RFFL: variants seen among roughly 807,000 people sequenced by gnomAD.
The protein encoded by RFFL is ring finger and FYVE like domain containing E3 ubiquitin protein ligase, also known as E3 ubiquitin-protein ligase rififylin.
Under a neutral mutation model 40.4 loss-of-function variants are expected in RFFL, and 16 were observed. The observed-to-expected ratio is 0.40, with a 90% confidence interval of 0.27 to 0.60. RFFL has a LOEUF of 0.60. Among genes scored for constraint, RFFL ranks in the 20% least tolerant of loss-of-function variants. The pLI is 0.47. For synonymous variants in RFFL, 154 were observed against 167.9 expected (o/e 0.92, Z 0.64); for missense variants, 367 against 451.7 (o/e 0.81, Z 1.70).
intron 1 of RFFL, among the ~76,000 whole-genome samples, chr17:35,034,494 A>G (rs2091106882): frequency 6.6e-6 from 1 of 151,738 alleles, no homozygotes; most frequent in Non-Finnish European, 1.5e-5. Flanking sequence ...AGTAGGAAAA[A>G]CTGGAAAGTT....
chr17:35,084,660 C>T lies in RFFL; in HGVS notation c.-9+4445G>A, dbSNP rs139394878. Among the ~76,000 whole-genome samples the T allele has an allele frequency of 7.8e-3, 1,180 of 151,532 alleles. 23 individuals are homozygous for T. The highest frequency in any genetic ancestry group is 0.026 in the African/African-American group (1,080 of 41,200). On this transcript the variant is annotated intron_variant, in intron 1 of 6. Coordinates refer to the RFFL transcript ENST00000315249. The stretch of plus-strand genomic sequence containing the variant: ...ATCCCAGCACTTTGGGAGGCTGAGG[C>T]GGGCAGATCACATGAGGTCAGGAGT...
intron 1 of RFFL, among the ~76,000 whole-genome samples, chr17:35,057,805 A>C (rs982613905): frequency 1.3e-5 from 2 of 151,778 alleles, no homozygotes; most frequent in Non-Finnish European, 2.9e-5. Context: ...CCAAAATTCC[A>C]ATCACCTTTA....
intron 1 of RFFL, among the ~76,000 whole-genome samples, chr17:35,039,062 C>G (rs1189668697): frequency 6.6e-6 from 1 of 151,694 alleles, no homozygotes; most frequent in Non-Finnish European, 1.5e-5. Context: ...GCGCGCACCA[C>G]CACACCTAAT....
In RFFL at chr17:35,088,314, C is replaced by T. The variant is rs2091441063; in HGVS notation, c.-9+791G>A. Among the ~76,000 whole-genome samples, 4 of 152,280 alleles carry T rather than the reference C, an allele frequency of 2.6e-5. No homozygotes were observed. The South Asian group carries it at 8.3e-4, about 32-fold the overall frequency. On this transcript the variant is annotated intron_variant, in intron 1 of 6. Coordinates refer to the RFFL transcript ENST00000315249. ...GGGGTGCACGGTACACTCTTGATTA[C>T]ACAAGCAGTCTTCTTCCCCCCTAGA... is the stretch of plus-strand genomic sequence containing the variant.
chr17:35,072,577 ACACACACATG>A (rs1487875316), intron 1 of RFFL, among the ~76,000 whole-genome samples: 1 of 147,960 alleles, frequency 6.8e-6, no homozygotes, highest in African/African-American at 2.7e-5. Context: ...ACACACACAC[ACACACACATG>A]CACACACACA....
chr17:35,054,682 T>C (rs986111957), intron 1 of RFFL, among the ~76,000 whole-genome samples: 3 of 152,100 alleles, frequency 2.0e-5, no homozygotes, highest in African/African-American at 7.2e-5. Context: ...CCTCTCTAGC[T>C]GATGTCCTGA....
chr17:35,070,274 A>T (rs149261404), intron 1 of RFFL, among the ~76,000 whole-genome samples: 103 of 152,206 alleles, frequency 6.8e-4, no homozygotes, highest in African/African-American at 2.3e-3. Context: ...TGGCTCAAGC[A>T]ATCTCCCACC....
intron 1 of RFFL, chr17:35,076,823 G>A (rs1482826035): frequency 2.2e-5 from 5 of 229,658 alleles, no homozygotes; most frequent in East Asian, 2.1e-4. Flanking sequence ...TGTGGCAAAT[G>A]TGGCTATGCT....
In RFFL at chr17:35,007,137, A is replaced by G. The variant is rs1597807411; in HGVS notation, c.*4831T>C. 6.6e-6 allele frequency: 1 copy of G among 152,182 alleles called. No individual in the cohort carries two copies. The highest frequency in any genetic ancestry group is 2.4e-5 in the African/African-American group (1 of 41,422). The allele number at this position is 152,182 out of a possible 1,614,324, so 9.4% of individuals were successfully genotyped here. ...AGGCTGTCTCCTCAGGATCCTGCCA[A>G]AGGCACTGTCCTCTCCAACCTGGAC... is the stretch of plus-strand genomic sequence containing the variant. On this transcript the variant is annotated 3_prime_UTR_variant, in exon 7 of 7. Coordinates refer to ENST00000394597, the MANE Select transcript of RFFL (RefSeq NM_001017368.2).
intron 1 of RFFL, among the ~76,000 whole-genome samples, chr17:35,084,529 G>C (rs997840867): frequency 6.6e-6 from 1 of 152,094 alleles, no homozygotes; most frequent in African/African-American, 2.4e-5. Flanking sequence ...GGGAGGTGGA[G>C]GTTACAGTGA....
At chr17:35,058,945 A>C (rs2091275842) in intron 1 of RFFL, among the ~76,000 whole-genome samples, 1 of 151,986 alleles carries the variant, frequency 6.6e-6, no homozygotes, top group South Asian at 2.1e-4. Context: ...TATGACTGCC[A>C]GGCCTAGGTC....
intron 1 of RFFL, among the ~76,000 whole-genome samples, chr17:35,054,211 T>C (rs1180807232): frequency 1.3e-5 from 2 of 152,226 alleles, no homozygotes; most frequent in African/African-American, 4.8e-5. Flanking sequence ...TCTAACCGTG[T>C]AGAGGTCAAA....
At chr17:35,038,373 T>TTG (rs201978106) in intron 1 of RFFL, among the ~76,000 whole-genome samples, 45 of 152,028 alleles carry the variant, frequency 3.0e-4, no homozygotes, top group African/African-American at 1.0e-3. Context: ...TTTGGAAATT[T>TTG]TGTGTGTGTG....
At chr17:35,073,446 T>C (rs549722185) in intron 1 of RFFL, among the ~76,000 whole-genome samples, 82 of 152,352 alleles carry the variant, frequency 5.4e-4, no homozygotes, top group Non-Finnish European at 1.1e-3. Context: ...ACAGGCTTCT[T>C]ACCGCAAATA....
upstream of RFFL, among the ~76,000 whole-genome samples, chr17:35,064,419 T>C (rs1439192157): frequency 6.6e-6 from 1 of 152,084 alleles, no homozygotes; most frequent in Non-Finnish European, 1.5e-5. Flanking sequence ...AAAAGAGACA[T>C]CCCTAAATTT....
chr17:35,060,773 T>C (rs1379868555), intron 1 of RFFL, among the ~76,000 whole-genome samples: 1 of 152,162 alleles, frequency 6.6e-6, no homozygotes, highest in East Asian at 1.9e-4. Context: ...TTGCAAAGAA[T>C]AACGGTTTGA....
intron 1 of RFFL, among the ~76,000 whole-genome samples, chr17:35,043,504 CAG>C (rs1434937713): frequency 6.6e-6 from 1 of 152,188 alleles, no homozygotes; most frequent in Non-Finnish European, 1.5e-5. Flanking sequence ...TCCTTTCACA[CAG>C]AGATGTCAGT....
chr17:35,011,086 A>T lies in RFFL; in HGVS notation c.*882T>A, dbSNP rs1312859248. 1 of 152,226 alleles carries T rather than the reference A, an allele frequency of 6.6e-6. No individual in the cohort carries two copies. Among genetic ancestry groups the T allele is most frequent in the Non-Finnish European group, 1.5e-5 (1 of 68,036 alleles). 9.4% of individuals were successfully genotyped at this position (152,226 alleles called of 1,614,324 possible). On this transcript the variant is annotated 3_prime_UTR_variant, in exon 7 of 7. Coordinates refer to ENST00000394597, the MANE Select transcript of RFFL (RefSeq NM_001017368.2). Reference sequence around the variant, plus strand: ...AAGTGGCTTAAGACTTCTAGTTGGGAAAAGGATCAGAAGCCAAGCCAAAAT... The same window carrying T: ...AAGTGGCTTAAGACTTCTAGTTGGGTAAAGGATCAGAAGCCAAGCCAAAAT...
rs1597842492 is a variant in RFFL at position 35,073,636 on chromosome 17, AAAAT to A, written c.-9+15465_-9+15468del. 1.1e-4 allele frequency among the ~76,000 whole-genome samples: 17 copies of A among 152,338 alleles called. No homozygotes were observed. The East Asian group carries it at 3.3e-3, about 29-fold the overall frequency. On this transcript the variant is annotated intron_variant, in intron 1 of 6. Transcript: ENST00000315249. ...CTACACTGACTCAGGCTTCTTACTG[AAAAT>A]GGTATATCACCATTTACTCCACTAA...
Sources: gnomAD v4.1 joint callset for allele counts (sites outside exome capture counted in the v4.1 genomes callset) on GRCh38, gnomAD v4.1.1 for gene constraint, MANE v1.5 for transcripts, NCBI Gene and HGNC (gene_info 2026-07-23, HGNC 2026-07-21) for gene names.